Variants in RBFOX1 observed in about 807,000 individuals in gnomAD.
RBFOX1 encodes the protein RNA binding fox-1 homolog 1, also known as RNA binding protein fox-1 homolog 1.
Under a neutral mutation model 57.7 loss-of-function variants are expected in RBFOX1, and 8 were observed. The observed-to-expected ratio is 0.14, with a 90% CI of 0.08 to 0.25. RBFOX1 has a LOEUF of 0.25. Among genes scored for constraint, RBFOX1 ranks in the 10% least tolerant of loss-of-function variants. RBFOX1 has a pLI of 1.00. For synonymous variants in RBFOX1, 326 were observed against 222.4 expected (o/e 1.47, Z -4.15); for missense variants, 611 against 548.5 (o/e 1.11, Z -1.14).
chr16:6,782,999 C>CT (rs1215650860), intron 3 of RBFOX1, among the ~76,000 whole-genome samples: 3 of 151,974 alleles, frequency 2.0e-5, no homozygotes, highest in South Asian at 4.2e-4. Flanking sequence ...TTCTTTGTCT[C>CT]TTTTTACAGA....
At chr16:6,093,881 A>G (rs1001473885) in intron 1 of RBFOX1, among the ~76,000 whole-genome samples, 1 of 151,880 alleles carries the variant, frequency 6.6e-6, no homozygotes, top group Non-Finnish European at 1.5e-5. Flanking sequence ...CCGCCTCCCA[A>G]AGTTCTGAGA....
intron 2 of RBFOX1, among the ~76,000 whole-genome samples, chr16:5,577,975 CAG>C (rs34922527): frequency 0.88 from 133,189 of 151,934 alleles, 58,499 homozygotes; most frequent in East Asian, 1. Flanking sequence ...TCTTTTGAGA[CAG>C]AGTCTCTCTC....
chr16:6,678,347 C>G (rs905149271), intron 3 of RBFOX1, among the ~76,000 whole-genome samples: 11 of 152,072 alleles, frequency 7.2e-5, no homozygotes, highest in African/African-American at 2.7e-4. Context: ...CTGGTTTGAA[C>G]TCCTGACCTC....
chr16:6,114,453 C>T (rs181245550), intron 1 of RBFOX1, among the ~76,000 whole-genome samples: 73 of 152,278 alleles, frequency 4.8e-4, no homozygotes, highest in African/African-American at 1.6e-3. Flanking sequence ...CTTTTTGGAT[C>T]TCATTACTTA....
At chr16:6,912,743 G>C (rs2072003815) in intron 3 of RBFOX1, among the ~76,000 whole-genome samples, 1 of 151,748 alleles carries the variant, frequency 6.6e-6, no homozygotes, top group African/African-American at 2.4e-5. Context: ...TCAGCCTACT[G>C]AGTAGCTGGG....
chr16:7,258,965 G>C (rs2094809094), intron 4 of RBFOX1, among the ~76,000 whole-genome samples: 4 of 152,180 alleles, frequency 2.6e-5, no homozygotes, highest in Admixed American at 2.6e-4. Context: ...TTTCACCTAT[G>C]ACATATTGCA....
At chr16:6,215,784 G>A (rs990491620) in intron 1 of RBFOX1, among the ~76,000 whole-genome samples, 1 of 152,122 alleles carries the variant, frequency 6.6e-6, no homozygotes, top group African/African-American at 2.4e-5. Context: ...ATTTAACCCA[G>A]CCTGTTTTCT....
chr16:5,990,764 T>C (rs2060379008), intron 4 of RBFOX1, among the ~76,000 whole-genome samples: 1 of 152,132 alleles, frequency 6.6e-6, no homozygotes, highest in African/African-American at 2.4e-5. Context: ...GGTCAGGAGT[T>C]CAAGACCAGC....
At chr16:6,676,142 GCACACACACACACACACACA>G (rs59806354) in intron 3 of RBFOX1, among the ~76,000 whole-genome samples, 17 of 145,968 alleles carry the variant, frequency 1.2e-4, no homozygotes, top group South Asian at 4.5e-4. Context: ...ACACACACGC[GCACACACACACACACACACA>G]CACACACACA....
intron 3 of RBFOX1, among the ~76,000 whole-genome samples, chr16:6,711,576 C>T (rs1343884266): frequency 1.3e-5 from 2 of 152,208 alleles, no homozygotes; most frequent in African/African-American, 4.8e-5. Flanking sequence ...CTCTGTCTCT[C>T]CTGACACCAT....
intron 4 of RBFOX1, among the ~76,000 whole-genome samples, chr16:7,309,042 T>A (rs2096254374): frequency 6.6e-6 from 1 of 152,108 alleles, no homozygotes; most frequent in African/African-American, 2.4e-5. Flanking sequence ...AGAATTAGGA[T>A]AGATTAGCTT....
chr16:7,105,556 C>T (rs1051354805), intron 4 of RBFOX1, among the ~76,000 whole-genome samples: 2 of 152,032 alleles, frequency 1.3e-5, no homozygotes, highest in Non-Finnish European at 2.9e-5. Context: ...TTAGCTCCCA[C>T]TTACGAGTGA....
intron 4 of RBFOX1, among the ~76,000 whole-genome samples, chr16:7,085,364 A>C (rs1204497834): frequency 6.6e-6 from 1 of 152,070 alleles, no homozygotes; most frequent in Non-Finnish European, 1.5e-5. Flanking sequence ...ACTTCAAAAA[A>C]AAATATATAT....
chr16:6,485,348 A>T (rs1225691156), intron 2 of RBFOX1, among the ~76,000 whole-genome samples: 1 of 149,200 alleles, frequency 6.7e-6, no homozygotes, highest in Non-Finnish European at 1.5e-5. Flanking sequence ...TCCCTCTCTT[A>T]CCCCTCTTCT....
intron 2 of RBFOX1, among the ~76,000 whole-genome samples, chr16:6,478,803 A>G (rs911024647): frequency 1.3e-5 from 2 of 152,154 alleles, no homozygotes; most frequent in Admixed American, 6.5e-5. Flanking sequence ...TAAGTGTGCC[A>G]TCTTATATGG....
intron 3 of RBFOX1, among the ~76,000 whole-genome samples, chr16:6,896,104 C>G (rs1209554369): frequency 2.0e-5 from 3 of 152,062 alleles, no homozygotes. Context: ...GAAACCCCAT[C>G]TCTATTAAAA....
At chr16:6,000,159 T>C (rs1212148526) in intron 4 of RBFOX1, among the ~76,000 whole-genome samples, 1 of 152,156 alleles carries the variant, frequency 6.6e-6, no homozygotes, top group Non-Finnish European at 1.5e-5. Context: ...TTAACTCATC[T>C]ACATTTACAG....
intron 4 of RBFOX1, among the ~76,000 whole-genome samples, chr16:7,219,546 C>T: frequency 6.6e-6 from 1 of 152,186 alleles, no homozygotes; most frequent in East Asian, 1.9e-4. Context: ...ACAAATATGA[C>T]AGACTTGCTA....
rs1262500892 is a variant in RBFOX1 at position 6,992,431 on chromosome 16, TG to T, written c.-15-59624del. Among the ~76,000 whole-genome samples, 8 of 152,240 alleles carry T rather than the reference TG, an allele frequency of 5.3e-5. No individual in the cohort carries two copies. The South Asian group carries it at 6.2e-4, about 12-fold the overall frequency. On this transcript the variant is annotated intron_variant, in intron 3 of 15. Transcript: ENST00000550418. ...CGGGGTTTCACCATGTTGGCCAGGCTGGTCTTGAACTCTTGATCTCACGTGA... is the reference window on the plus strand; with the variant it reads ...CGGGGTTTCACCATGTTGGCCAGGCTGTCTTGAACTCTTGATCTCACGTGA...
Sources: allele counts gnomAD v4.1 joint callset (sites outside exome capture counted in the v4.1 genomes callset), GRCh38; gene constraint gnomAD v4.1.1; transcripts MANE v1.5; gene names NCBI Gene and HGNC (gene_info 2026-07-23, HGNC 2026-07-21).